IL1RAPL1: variants seen among roughly 807,000 people sequenced by gnomAD.
IL1RAPL1 encodes interleukin-1 receptor accessory protein-like 1.
A neutral mutation model predicts 48.4 loss-of-function variants in IL1RAPL1; 3 were observed. The ratio of observed to expected loss-of-function variants is 0.06; its 90% CI spans 0.03 to 0.16. The LOEUF (loss-of-function observed/expected upper bound fraction) is 0.16, where lower values mean the gene tolerates loss of function less well. Among genes scored for constraint, IL1RAPL1 ranks in the 10% least tolerant of loss-of-function variants. The pLI is 1.00. For synonymous variants in IL1RAPL1, 185 were observed against 187.7 expected, an observed-to-expected ratio of 0.99 and a Z score of 0.12; for missense variants, 349 against 530.6, an observed-to-expected ratio of 0.66 and a Z score of 3.36.
intron 5 of IL1RAPL1, among the ~76,000 whole-genome samples, chrX:29,562,760 T>A (rs1259195215): frequency 8.9e-6 from 1 of 112,294 alleles, no homozygotes; most frequent in Non-Finnish European, 1.9e-5. Flanking sequence ...TTTCCATCAC[T>A]AAATCTCTCA....
intron 6 of IL1RAPL1, among the ~76,000 whole-genome samples, chrX:29,786,069 A>G (rs1368747745): frequency 9.1e-6 from 1 of 109,763 alleles, no homozygotes; most frequent in Admixed American, 9.8e-5. Flanking sequence ...TTGGAAAGTT[A>G]GGACTAGAAG....
intron 5 of IL1RAPL1, among the ~76,000 whole-genome samples, chrX:29,439,973 A>G (rs1487359632): frequency 1.3e-5 from 1 of 76,541 alleles, no homozygotes; most frequent in Non-Finnish European, 2.4e-5. Flanking sequence ...ATAGGACTCA[A>G]CCTTATCAAT....
At chrX:29,367,560 A>ATT (rs1569296174) in intron 3 of IL1RAPL1, among the ~76,000 whole-genome samples, 3 of 100,253 alleles carry the variant, frequency 3.0e-5, no homozygotes, top group African/African-American at 1.1e-4. Context: ...ATTTTTATTT[A>ATT]TTTATTTATT....
intron 5 of IL1RAPL1, among the ~76,000 whole-genome samples, chrX:29,540,232 A>T (rs761213705): frequency 7.3e-5 from 8 of 108,870 alleles, no homozygotes; most frequent in Non-Finnish European, 1.1e-4. Flanking sequence ...AAGATGAAAG[A>T]TCTCTACAAG....
intron 2 of IL1RAPL1, among the ~76,000 whole-genome samples, chrX:29,101,515 A>G (rs1928336815): frequency 8.9e-6 from 1 of 111,973 alleles, no homozygotes; most frequent in East Asian, 2.8e-4. Context: ...GGCCAGTATT[A>G]CCCTGACACC....
At position 29,474,224 on chromosome X, in the gene IL1RAPL1, A is replaced by G. The variant is rs531668506; in HGVS notation, c.703+74916A>G. ...GTCAAGCCATGTTTCTGTCCCCTGA[A>G]ATCCTGAACCTATGTGTGTTGGCTA... On this transcript the variant is annotated intron_variant, in intron 5 of 10. Coordinates refer to ENST00000378993, the MANE Select transcript of IL1RAPL1 (RefSeq NM_014271.4). Among the ~76,000 whole-genome samples the G allele has an allele frequency of 1.2e-4, 13 of 112,138 alleles. No individual in the cohort carries two copies. The South Asian group carries it at 4.5e-3, about 38-fold the overall frequency.
chrX:29,689,015 A>G (rs1926707841), intron 6 of IL1RAPL1, among the ~76,000 whole-genome samples: 1 of 111,458 alleles, frequency 9.0e-6, no homozygotes, highest in East Asian at 2.8e-4. Flanking sequence ...AAAGAAAGTT[A>G]GCTCTAACTC....
chrX:29,716,450 G>A (rs985197595), intron 6 of IL1RAPL1, among the ~76,000 whole-genome samples: 1 of 111,324 alleles, frequency 9.0e-6, no homozygotes, highest in African/African-American at 3.3e-5. Flanking sequence ...TTGCTCTTAA[G>A]CACTAAATTT....
At chrX:29,590,600 G>A (rs963845888) in intron 5 of IL1RAPL1, among the ~76,000 whole-genome samples, 4 of 111,444 alleles carry the variant, frequency 3.6e-5, no homozygotes, top group Non-Finnish European at 3.8e-5. Flanking sequence ...TAATAGGATG[G>A]CAGTGTCTCT....
intron 5 of IL1RAPL1, among the ~76,000 whole-genome samples, chrX:29,612,335 AC>A (rs771231349): frequency 9.1e-6 from 1 of 110,427 alleles, no homozygotes; most frequent in South Asian, 3.9e-4. Context: ...AAAATGACAC[AC>A]AATTTTGCAT....
chrX:29,122,075 C>A (rs1928798090), intron 2 of IL1RAPL1, among the ~76,000 whole-genome samples: 1 of 111,099 alleles, frequency 9.0e-6, no homozygotes, highest in Non-Finnish European at 1.9e-5. Context: ...TCTTATTCAA[C>A]AAGCAAGAGT....
chrX:29,628,243 C>T (rs1924669802), intron 5 of IL1RAPL1, among the ~76,000 whole-genome samples: 1 of 112,114 alleles, frequency 8.9e-6, no homozygotes, highest in African/African-American at 3.2e-5. Context: ...GAGCAAAGAT[C>T]AAAGTTTCCT....
In IL1RAPL1 at chrX:28,982,459, C is replaced by T. The variant is rs150798677; in HGVS notation, c.82+193034C>T. The stretch of plus-strand genomic sequence containing the variant: ...CATTGAATGTAAAGCACTTAGAATA[C>T]GGGAAGCACTCAGTAAATATTGTTC... On this transcript the variant is annotated intron_variant, in intron 2 of 10. Transcript: ENST00000378993. Among the ~76,000 whole-genome samples, 272 of 112,144 alleles carry T rather than the reference C, an allele frequency of 2.4e-3. 1 individual carries two copies. The highest frequency in any genetic ancestry group is 4.7e-3 in the African/African-American group (146 of 30,851).
At chrX:29,319,160 G>GTCTGCCTGTCTGTCTGTCTATCTATCTA (rs370282992) in intron 3 of IL1RAPL1, among the ~76,000 whole-genome samples, 34 of 84,982 alleles carry the variant, frequency 4.0e-4, no homozygotes, top group East Asian at 1.6e-3. Context: ...CTATCTGTCT[G>GTCTGCCTGTCTGTCTGTCTATCTATCTA]TCTATCTATC....
At chrX:29,128,287 C>G (rs1162433793) in intron 2 of IL1RAPL1, among the ~76,000 whole-genome samples, 1 of 111,065 alleles carries the variant, frequency 9.0e-6, no homozygotes, top group Non-Finnish European at 1.9e-5. Flanking sequence ...TAAGCATGAC[C>G]CAAACCCATG....
intron 6 of IL1RAPL1, among the ~76,000 whole-genome samples, chrX:29,811,720 C>T (rs1345151131): frequency 3.6e-5 from 4 of 111,756 alleles, no homozygotes; most frequent in African/African-American, 1.3e-4. Context: ...GGTTTAACAG[C>T]TGTATACCTA....
At chrX:28,935,941 G>A (rs887964144) in intron 2 of IL1RAPL1, among the ~76,000 whole-genome samples, 7 of 111,228 alleles carry the variant, frequency 6.3e-5, no homozygotes, top group African/African-American at 2.3e-4. Context: ...GGGTGTAAAA[G>A]GGTTTAAGCT....
intron 5 of IL1RAPL1, among the ~76,000 whole-genome samples, chrX:29,563,802 T>C (rs1922315791): frequency 1.8e-5 from 2 of 112,214 alleles, no homozygotes; most frequent in Non-Finnish European, 3.8e-5. Flanking sequence ...GTTGATGGAT[T>C]CGAAGAAGTG....
intron 5 of IL1RAPL1, among the ~76,000 whole-genome samples, chrX:29,527,937 C>G (rs1935572013): frequency 9.0e-6 from 1 of 111,449 alleles, no homozygotes; most frequent in South Asian, 3.7e-4. Flanking sequence ...TAAGTAAAAG[C>G]AAATTAAAGC....
Sources: allele counts gnomAD v4.1 joint callset (sites outside exome capture counted in the v4.1 genomes callset), GRCh38; gene constraint gnomAD v4.1.1; transcripts MANE v1.5; gene names NCBI Gene and HGNC (gene_info 2026-07-23, HGNC 2026-07-21).